The following SETBP1 variants were observed in gnomAD, a reference collection of about 807,000 sequenced individuals.
SETBP1 encodes the protein SET-binding protein.
SETBP1 carries 9 observed loss-of-function variants against 101.0 expected under a neutral mutation model. That is an observed-to-expected ratio of 0.09 (90% CI 0.05 to 0.16). SETBP1 has a LOEUF of 0.16. Among genes scored for constraint, SETBP1 ranks in the 10% least tolerant of loss-of-function variants. SETBP1 has a pLI of 1.00. For missense variants in SETBP1, 1,858 were observed against 2,033.8 expected (o/e 0.91, Z 1.66); for synonymous variants, 818 against 788.5 (o/e 1.04, Z -0.63).
chr18:44,860,219 C>T (rs2068972744), intron 2 of SETBP1, among the ~76,000 whole-genome samples: 1 of 152,108 alleles, frequency 6.6e-6, no homozygotes, highest in Non-Finnish European at 1.5e-5. Context: ...CCCAGCTTTG[C>T]TTGGCATATG....
chr18:44,951,846 G>A lies in SETBP1; in HGVS notation c.2506G>A (p.Ala836Thr). 6.2e-7 allele frequency: 1 copy of A among 1,614,032 alleles called. No homozygotes were observed. Among genetic ancestry groups the A allele is most frequent in the Non-Finnish European group, 8.5e-7 (1 of 1,180,030 alleles). ...TWKLSPPRLM[A>T]NSPSHLCEIG... ...GAAGCTGTCTCCACCCAGACTGATGGCCAACTCCCCTTCACACCTGTGCGA... is the reference window on the plus strand; with the variant it reads ...GAAGCTGTCTCCACCCAGACTGATGACCAACTCCCCTTCACACCTGTGCGA... Residue 836 changes from alanine (A) to threonine (T), a missense_variant, in exon 4 of 6, where the codon GCC (alanine) becomes ACC (threonine). Physicochemically the swap from Ala to Thr is moderately conservative, Grantham distance 58. Around this residue, in one of 12 missense-constraint regions of SETBP1, gnomAD observed 121 missense variants for 138.0 expected, o/e 0.88. Coordinates refer to ENST00000649279, the MANE Select transcript of SETBP1 (RefSeq NM_015559.3). This position sits in a 1 kb window ranked among gnomAD's most constrained non-coding sequence, Gnocchi z 7.8.
chr18:44,912,114 TAG>T (rs1385689103), intron 3 of SETBP1, among the ~76,000 whole-genome samples: 14 of 152,208 alleles, frequency 9.2e-5, no homozygotes, highest in Non-Finnish European at 1.5e-5. Flanking sequence ...CTTTTAAGTG[TAG>T]CTCAGGTTTA....
At chr18:44,783,795 C>G (rs1445047533) in intron 2 of SETBP1, among the ~76,000 whole-genome samples, 1 of 152,162 alleles carries the variant, frequency 6.6e-6, no homozygotes, top group Non-Finnish European at 1.5e-5. Flanking sequence ...ATTGAAAAAC[C>G]TGTAAGAGGT....
At chr18:44,853,848 T>A (rs2072919464) in intron 2 of SETBP1, among the ~76,000 whole-genome samples, 1 of 152,078 alleles carries the variant, frequency 6.6e-6, no homozygotes, top group African/African-American at 2.4e-5. Flanking sequence ...ACCATGATGT[T>A]CCATCTACCT....
intron 2 of SETBP1, among the ~76,000 whole-genome samples, chr18:44,833,200 C>G (rs1023215366): frequency 1.3e-5 from 2 of 152,208 alleles, no homozygotes; most frequent in Non-Finnish European, 2.9e-5. Flanking sequence ...CTGGGATCTT[C>G]TGATTTATGC....
At chr18:44,776,708 C>T (rs868804304) in intron 2 of SETBP1, among the ~76,000 whole-genome samples, 2 of 152,176 alleles carry the variant, frequency 1.3e-5, no homozygotes, top group Non-Finnish European at 2.9e-5. Flanking sequence ...ATATAAAACA[C>T]CTTAAATAAT....
chr18:44,818,753 T>TCA (rs34683605), intron 2 of SETBP1, among the ~76,000 whole-genome samples: 24,487 of 140,464 alleles, frequency 0.17, 2,355 homozygotes, highest in Non-Finnish European at 0.25. Context: ...ACGCACACAC[T>TCA]CACACACACA....
At chr18:44,760,036 A>C (rs2070603688) in intron 2 of SETBP1, among the ~76,000 whole-genome samples, 2 of 152,114 alleles carry the variant, frequency 1.3e-5, no homozygotes, top group Non-Finnish European at 2.9e-5. Flanking sequence ...TCAGCTGAGC[A>C]TTGTCAGGAG....
chr18:44,772,107 G>A (rs369196455), intron 2 of SETBP1, among the ~76,000 whole-genome samples: 4 of 150,712 alleles, frequency 2.7e-5, no homozygotes, highest in East Asian at 2.0e-4. Context: ...CCTCTCCCCC[G>A]CCCCAGCCTC....
intron 2 of SETBP1, among the ~76,000 whole-genome samples, chr18:44,839,958 G>C (rs16960301): frequency 1.3e-5 from 2 of 152,174 alleles, no homozygotes; most frequent in African/African-American, 2.4e-5. Flanking sequence ...GCAGGAAAAC[G>C]TAAGAAGGAG....
At chr18:44,762,687 A>C (rs1275708891) in intron 2 of SETBP1, among the ~76,000 whole-genome samples, 1 of 152,230 alleles carries the variant, frequency 6.6e-6, no homozygotes, top group Non-Finnish European at 1.5e-5. Context: ...ATGCAAGCCC[A>C]TGTCTGGGGT....
rs780928730 is a variant in SETBP1 at position 44,952,837 on chromosome 18, C to A, written c.3497C>A (p.Thr1166Asn). The A allele has an allele frequency of 1.9e-5, 31 of 1,614,124 alleles. No individual in the cohort carries two copies. Among genetic ancestry groups the A allele is most frequent in the Non-Finnish European group, 2.5e-5 (30 of 1,180,032 alleles). ...CACAAGGAAGACCGGATCCTAGGGA[C>A]CCATGACAACCTGAGTGGTCTTTTT... Reference protein sequence around the residue: ...HKHKEDRILGTHDNLSGLFAG... With the variant: ...HKHKEDRILGNHDNLSGLFAG... The change falls in exon 4 of 6, where the codon ACC (threonine) becomes AAC (asparagine). Residue 1166 changes from threonine (T) to asparagine (N), a missense_variant. Transcript: ENST00000649279.
intron 4 of SETBP1, among the ~76,000 whole-genome samples, chr18:44,976,652 T>C (rs1449029339): frequency 6.6e-6 from 1 of 152,096 alleles, no homozygotes; most frequent in East Asian, 1.9e-4. Context: ...GCTATTAGAG[T>C]CACAGGCTTC....
intron 5 of SETBP1, among the ~76,000 whole-genome samples, chr18:45,043,348 T>TTCTC (rs1380324339): frequency 2.2e-5 from 2 of 92,552 alleles, no homozygotes; most frequent in African/African-American, 9.7e-5. Flanking sequence ...AGTATATCCT[T>TTCTC]TCTCTCTCTC....
chr18:44,933,656 G>A lies in SETBP1; in HGVS notation c.541-16225G>A, dbSNP rs183258882. 4.6e-3 allele frequency among the ~76,000 whole-genome samples: 698 copies of A among 152,260 alleles called. 6 individuals are homozygous for A. Among genetic ancestry groups the A allele is most frequent in the African/African-American group, 0.015 (626 of 41,546 alleles). On this transcript the variant is annotated intron_variant, in intron 3 of 5. Coordinates refer to ENST00000649279, the MANE Select transcript of SETBP1 (RefSeq NM_015559.3). ...TACTCAAGCCTCAGCAATGGCAGAC[G>A]CCCCTCCCCAGCCTTGCTGCAGCCT... is the stretch of plus-strand genomic sequence containing the variant.
intron 2 of SETBP1, among the ~76,000 whole-genome samples, chr18:44,775,599 T>C (rs1795156969): frequency 6.6e-6 from 1 of 152,190 alleles, no homozygotes; most frequent in Non-Finnish European, 1.5e-5. Context: ...TTTTTTTCTA[T>C]AGTTTTTTGT....
chr18:44,788,906 T>C (rs2071308598), intron 2 of SETBP1, among the ~76,000 whole-genome samples: 1 of 145,924 alleles, frequency 6.9e-6, no homozygotes, highest in Non-Finnish European at 1.5e-5. Flanking sequence ...CAGGTGATCC[T>C]CCCATCTCAG....
At chr18:45,037,449 C>T (rs1450489555) in intron 4 of SETBP1, among the ~76,000 whole-genome samples, 1 of 152,102 alleles carries the variant, frequency 6.6e-6, no homozygotes, top group African/African-American at 2.4e-5. Context: ...TTTTATAGCA[C>T]GGAGTATGCA....
At chr18:44,908,629 C>A (rs1217762064) in intron 3 of SETBP1, among the ~76,000 whole-genome samples, 1 of 152,120 alleles carries the variant, frequency 6.6e-6, no homozygotes, top group Non-Finnish European at 1.5e-5. Context: ...AAGTGTGAGT[C>A]CTCCAACCTT....
Sources: gnomAD v4.1 joint callset for allele counts (sites outside exome capture counted in the v4.1 genomes callset) on GRCh38, gnomAD v4.1.1 for gene constraint, gnomAD v4.1.1 regional missense constraint, Gnocchi (gnomAD v3.1) non-coding constraint, MANE v1.5 for transcripts, NCBI Gene and HGNC (gene_info 2026-07-23, HGNC 2026-07-21) for gene names.